Variants in GLYATL2 observed in about 807,000 individuals in gnomAD.
GLYATL2 encodes glycine N-acyltransferase-like protein 2.
GLYATL2 carries 25 observed loss-of-function variants against 21.4 expected under a neutral mutation model. That is an observed-to-expected ratio of 1.17 (90% CI 0.85 to 1.63). GLYATL2 has a LOEUF of 1.63. GLYATL2 is among the 40% of genes most tolerant of loss of function. GLYATL2 has a pLI of 0.00. For synonymous variants in GLYATL2, 114 were observed against 118.2 expected, an observed-to-expected ratio of 0.96 and a Z score of 0.23; for missense variants, 361 against 343.3, an observed-to-expected ratio of 1.05 and a Z score of -0.41.
In GLYATL2 at chr11:58,861,212, A is replaced by G. The variant is rs1438466703; in HGVS notation, n.61-22844T>C. Among the ~76,000 whole-genome samples the G allele has an allele frequency of 2.0e-5, 3 of 152,170 alleles. No homozygotes were observed. In the East Asian group the frequency reaches 5.8e-4, roughly 29 times the overall value. On this transcript the variant is annotated intron_variant and non_coding_transcript_variant, in intron 1 of 4. Transcript: ENST00000533636. ...TTTGGTGGAATTCAGCAGTGAAGCC[A>G]TAAGGTCCTGGGCTTCTCTTTGATG...
At position 58,860,968 on chromosome 11, in the gene GLYATL2, C is replaced by G. The variant is rs987146483; in HGVS notation, n.61-22600G>C. 2.0e-5 allele frequency among the ~76,000 whole-genome samples: 3 copies of G among 151,956 alleles called. No individual in the cohort carries two copies. The East Asian group carries it at 5.8e-4, about 29-fold the overall frequency. ...AGCCCACTGTATCATGATTAATGAC[C>G]TTTTTGACATGCTGTTGAGATTAGT... is the stretch of plus-strand genomic sequence containing the variant. On this transcript the variant is annotated intron_variant and non_coding_transcript_variant, in intron 1 of 4. Coordinates refer to the GLYATL2 transcript ENST00000533636.
At position 58,863,712 on chromosome 11, in the gene GLYATL2, C is replaced by T. The variant is rs116573974; in HGVS notation, n.61-25344G>A. The stretch of plus-strand genomic sequence containing the variant: ...GGAGGTTGGGTGTATGAGTTCTGGC[C>T]TAGAACCTAGGTCTTCAGGGCTGGC... On this transcript the variant is annotated intron_variant and non_coding_transcript_variant, in intron 1 of 4. Coordinates refer to the GLYATL2 transcript ENST00000533636. 5.1e-3 allele frequency among the ~76,000 whole-genome samples: 775 copies of T among 152,218 alleles called. 5 individuals are homozygous for T. Among genetic ancestry groups the T allele is most frequent in the African/African-American group, 0.018 (739 of 41,516 alleles).
intron 1 of GLYATL2, among the ~76,000 whole-genome samples, chr11:58,854,846 C>A (rs1409308774): frequency 6.6e-6 from 1 of 152,138 alleles, no homozygotes; most frequent in Non-Finnish European, 1.5e-5. Context: ...AAATCTTCAC[C>A]ACGAGTAGTT....
At chr11:58,881,712 T>C (rs1854338580) in intron 1 of GLYATL2, among the ~76,000 whole-genome samples, 1 of 152,180 alleles carries the variant, frequency 6.6e-6, no homozygotes, top group Admixed American at 6.5e-5. Flanking sequence ...ACAATAGTTA[T>C]TTCTCTTAAT....
chr11:58,905,171 G>C (rs1267044838), upstream of GLYATL2, among the ~76,000 whole-genome samples: 3 of 152,198 alleles, frequency 2.0e-5, no homozygotes, highest in African/African-American at 7.2e-5. Context: ...GCGCGTCCTG[G>C]GAAACAGGCC....
chr11:58,905,252 A>T (rs1250855339), upstream of GLYATL2: 6 of 355,850 alleles, frequency 1.7e-5, no homozygotes, highest in Admixed American at 2.2e-4. Flanking sequence ...ACGAAGTTGG[A>T]TCATTTGCGG....
intron 1 of GLYATL2, among the ~76,000 whole-genome samples, chr11:58,876,903 C>T (rs1368276746): frequency 1.3e-5 from 2 of 152,272 alleles, no homozygotes; most frequent in African/African-American, 4.8e-5. Context: ...CCTACAGAGG[C>T]AGGCAGGCCT....
At position 58,837,398 on chromosome 11, in the gene GLYATL2, C is replaced by T. The variant is rs754875477; in HGVS notation, c.187-1G>A. On this transcript the variant is annotated splice_acceptor_variant, in intron 3 of 5. Transcript: ENST00000287275. LOFTEE classifies it high-confidence loss of function. ...AATGATCCTGGTCATCTTTCATCTC[C>T]TGATATAACAAATATCAATTATATT... The T allele has an allele frequency of 6.8e-6, 11 of 1,611,732 alleles. No individual in the cohort carries two copies. Among genetic ancestry groups the T allele is most frequent in the Non-Finnish European group, 9.3e-6 (11 of 1,178,174 alleles).
chr11:58,875,153 TC>T (rs1854204067), intron 1 of GLYATL2, among the ~76,000 whole-genome samples: 1 of 152,232 alleles, frequency 6.6e-6, no homozygotes. Context: ...TAGATCTTCC[TC>T]CATCCCTTTA....
chr11:58,861,828 A>T (rs1853937256), intron 1 of GLYATL2, among the ~76,000 whole-genome samples: 1 of 151,908 alleles, frequency 6.6e-6, no homozygotes, highest in Non-Finnish European at 1.5e-5. Context: ...TGTATTTGTG[A>T]ATTTTCTAAA....
chr11:58,885,646 G>T (rs1403958080), intron 1 of GLYATL2: 4 of 287,062 alleles, frequency 1.4e-5, no homozygotes, highest in Admixed American at 1.2e-4. Context: ...AAGGAAACGT[G>T]AGTATTTTAA....
At chr11:58,836,886 CCTTT>C in intron 5 of GLYATL2, 125 bp downstream of exon 5, 1 of 799,412 alleles carries the variant, frequency 1.3e-6, no homozygotes, top group Non-Finnish European at 2.1e-6. Flanking sequence ...AACATAACTC[CCTTT>C]CTTTACCCAT....
At chr11:58,874,230 C>A (rs1854183139) in intron 1 of GLYATL2, among the ~76,000 whole-genome samples, 3 of 152,142 alleles carry the variant, frequency 2.0e-5, no homozygotes, top group Non-Finnish European at 1.5e-5. Flanking sequence ...TTGACCTTTT[C>A]AAAAAACCAG....
chr11:58,837,515 TG>T, intron 3 of GLYATL2, 118 bp from the exon 4 acceptor site: 2 of 957,110 alleles, frequency 2.1e-6, no homozygotes. Context: ...CTGAGACAGG[TG>T]TAGAAAATGG....
Position 58,837,290 on chromosome 11 carries a change from C to T in GLYATL2, c.294G>A (p.Glu98=), listed in dbSNP as rs779261591. The T allele has an allele frequency of 5.6e-6, 9 of 1,613,924 alleles. No homozygotes were observed. Among genetic ancestry groups the T allele is most frequent in the East Asian group, 4.5e-5 (2 of 44,866 alleles). ...VLSYSNVISW[E]QTLQIQGCQE... is the part of the protein sequence containing the mutation. Reference sequence around the variant, plus strand: ...AGTTACCTTGGATCTGCAAAGTTTGCTCCCAGCTGATTACATTGGAGTATG... The same window carrying T: ...AGTTACCTTGGATCTGCAAAGTTTGTTCCCAGCTGATTACATTGGAGTATG... Residue 98 remains glutamate, a synonymous_variant, in exon 4 of 6, where the codon GAG becomes GAA. Transcript: ENST00000287275.
intron 1 of GLYATL2, among the ~76,000 whole-genome samples, chr11:58,886,835 G>A (rs980778581): frequency 1.8e-4 from 28 of 152,112 alleles, no homozygotes; most frequent in Non-Finnish European, 2.4e-4. Flanking sequence ...AGCCACCCCA[G>A]GTCAAGACTA....
At chr11:58,869,126 A>G (rs776886267) in intron 1 of GLYATL2, among the ~76,000 whole-genome samples, 1 of 152,224 alleles carries the variant, frequency 6.6e-6, no homozygotes, top group African/African-American at 2.4e-5. Flanking sequence ...ACCCCAACTC[A>G]TTGAGTTTGT....
At chr11:58,842,275 G>T (rs1234766855) in intron 1 of GLYATL2, among the ~76,000 whole-genome samples, 1 of 152,152 alleles carries the variant, frequency 6.6e-6, no homozygotes, top group African/African-American at 2.4e-5. Flanking sequence ...AAAAAATTAG[G>T]ATGGATGCAG....
chr11:58,869,004 A>ACC lies in GLYATL2; in HGVS notation n.61-30637_61-30636insGG, dbSNP rs1319223003. On this transcript the variant is annotated intron_variant and non_coding_transcript_variant, in intron 1 of 4. Coordinates refer to the GLYATL2 transcript ENST00000533636. The stretch of plus-strand genomic sequence containing the variant: ...TCGTCATTTTGTGTGTGTCCAGGCA[A>ACC]GTGAGTGTCTTTTGTGGGTACCAGA... Among the ~76,000 whole-genome samples, 30 of 129,652 alleles carry ACC rather than the reference A, an allele frequency of 2.3e-4. 2 individuals carry two copies. The highest frequency in any genetic ancestry group is 2.3e-3 in the East Asian group (6 of 2,640). The allele number at this position is 129,652 out of a possible 152,430, so 85.1% of individuals were successfully genotyped here.
Sources: allele counts gnomAD v4.1 joint callset (sites outside exome capture counted in the v4.1 genomes callset), GRCh38; gene constraint gnomAD v4.1.1; transcripts MANE v1.5; gene names NCBI Gene and HGNC (gene_info 2026-07-23, HGNC 2026-07-21).